NUP54: variants seen among roughly 807,000 people sequenced by gnomAD.
NUP54 encodes the protein nucleoporin 54.
A neutral mutation model predicts 66.4 loss-of-function variants in NUP54; 27 were observed. The observed-to-expected ratio is 0.41, with a 90% CI of 0.30 to 0.56. NUP54 has a LOEUF of 0.56. Ranked by LOEUF, NUP54 falls within the 20% of genes least tolerant of loss-of-function variation. The pLI is 0.34. For synonymous variants in NUP54, 206 were observed against 210.7 expected (o/e 0.98, Z 0.19); for missense variants, 486 against 596.3 (o/e 0.82, Z 1.93).
chr4:76,118,373 A>T (rs1730052269), intron 9 of NUP54, 179 bp from the exon 10 acceptor site: 2 of 592,344 alleles, frequency 3.4e-6, no homozygotes, highest in Non-Finnish European at 3.0e-6. Flanking sequence ...TATCATATAA[A>T]TACAATGATA....
intron 8 of NUP54, among the ~76,000 whole-genome samples, chr4:76,129,707 T>C (rs1402273532): frequency 6.6e-6 from 1 of 151,402 alleles, no homozygotes; most frequent in Non-Finnish European, 1.5e-5. Flanking sequence ...CTACTAAAAA[T>C]ACAAAAAATT....
chr4:76,129,191 A>T (rs371074258), intron 8 of NUP54, among the ~76,000 whole-genome samples: 4 of 152,090 alleles, frequency 2.6e-5, no homozygotes, highest in South Asian at 2.1e-4. Context: ...ATGCCCCATA[A>T]ATATGTAGTT....
chr4:76,115,753 A>G (rs112538455), intron 11 of NUP54, among the ~76,000 whole-genome samples: 14 of 152,352 alleles, frequency 9.2e-5, no homozygotes, highest in African/African-American at 3.4e-4. Context: ...TTAGATAGCT[A>G]TTCCTTTTAC....
Position 76,118,094 on chromosome 4 carries a change from T to C in NUP54, c.1265A>G (p.Asn422Ser), listed in dbSNP as rs1028717246. The change falls in exon 10 of 12, where the codon AAT (asparagine) becomes AGT (serine). Residue 422 changes from asparagine to serine, a missense_variant. Physicochemically the swap from Asn to Ser is conservative, Grantham distance 46. Around this residue, in one of 4 missense-constraint regions of NUP54, gnomAD observed 83 missense variants for 128.6 expected, o/e 0.65. Coordinates refer to ENST00000264883, the MANE Select transcript of NUP54 (RefSeq NM_017426.4). ...GGTTACCTTGAACTGAGTAGGTGCATTTAGTTCACCCTGAATCGTATCCAG... is the reference window on the plus strand; with the variant it reads ...GGTTACCTTGAACTGAGTAGGTGCACTTAGTTCACCCTGAATCGTATCCAG... Reference protein sequence around the residue: ...VQLDTIQGELNAPTQFKGRLN... With the variant: ...VQLDTIQGELSAPTQFKGRLN... 1.4e-5 allele frequency: 23 copies of C among 1,613,916 alleles called. No individual in the cohort carries two copies. Among genetic ancestry groups the C allele is most frequent in the Non-Finnish European group, 1.9e-5 (22 of 1,179,900 alleles).
rs748111867 is a variant in NUP54 at position 76,144,162 on chromosome 4, C to CTGT, written c.281_282insACA (p.Gln97dup). 6.2e-7 allele frequency: 1 copy of CTGT among 1,610,888 alleles called. No homozygotes were observed. The highest frequency in any genetic ancestry group is 1.7e-5 in the Admixed American group (1 of 59,656). On this transcript the variant is annotated inframe_insertion, in exon 3 of 12. Transcript: ENST00000264883. ...CCTCATACTTACTAGTTTGCTGCTG[C>CTGT]TGCTGTGTATTAAATCCTCCAAATC...
At chr4:76,141,164 C>CATGGAT (rs1731255211) in intron 3 of NUP54, among the ~76,000 whole-genome samples, 2 of 134,848 alleles carry the variant, frequency 1.5e-5, no homozygotes, top group Admixed American at 7.4e-5. Context: ...AATACATGGA[C>CATGGAT]GGGCATCTCT....
intron 3 of NUP54, among the ~76,000 whole-genome samples, chr4:76,141,517 C>T (rs1731267313): frequency 6.6e-6 from 1 of 152,122 alleles, no homozygotes; most frequent in Non-Finnish European, 1.5e-5. Context: ...CCCAGAAGCC[C>T]AAGATACCTT....
intron 9 of NUP54, 127 bp downstream of exon 9, chr4:76,124,522 G>T: frequency 7.3e-6 from 3 of 411,836 alleles, no homozygotes; most frequent in South Asian, 5.6e-5. Flanking sequence ...GAAAGAATTC[G>T]GTACTTGTAA....
intron 1 of NUP54, 195 bp downstream of exon 1, chr4:76,148,113 G>C (rs1047759116): frequency 4.6e-6 from 2 of 433,914 alleles, no homozygotes; most frequent in Non-Finnish European, 8.1e-6. Context: ...GCTTCTAGTG[G>C]GACCCCGAGT....
At chr4:76,133,586 C>T (rs758719480) in intron 5 of NUP54, among the ~76,000 whole-genome samples, 39 of 152,100 alleles carry the variant, frequency 2.6e-4, no homozygotes, top group Non-Finnish European at 4.7e-4. Context: ...GGATTACAGG[C>T]GTGAGCCACC....
chr4:76,146,262 C>T (rs1317740195), intron 1 of NUP54: 1 of 204,980 alleles, frequency 4.9e-6, no homozygotes, highest in East Asian at 1.5e-4. Context: ...TCCAAATGAA[C>T]ATGAAATCAA....
chr4:76,124,322 GAACTATTTTATGA>G (rs1345699052), intron 9 of NUP54, among the ~76,000 whole-genome samples: 12 of 152,004 alleles, frequency 7.9e-5, no homozygotes, highest in East Asian at 5.8e-4. Context: ...AAAATTTTCT[GAACTATTTTATGA>G]AACTATTTTA....
intron 9 of NUP54, among the ~76,000 whole-genome samples, chr4:76,120,443 T>C (rs78303416): frequency 0.15 from 17,018 of 115,548 alleles, 1,032 homozygotes; most frequent in East Asian, 0.42. Flanking sequence ...TTTTTTTTTT[T>C]TCCCCAGATG....
intron 1 of NUP54, among the ~76,000 whole-genome samples, chr4:76,146,637 AAG>A (rs1355742823): frequency 6.6e-6 from 1 of 152,216 alleles, no homozygotes; most frequent in Non-Finnish European, 1.5e-5. Context: ...GGCATAACGT[AAG>A]AGACTATGGA....
chr4:76,147,681 G>C, intron 1 of NUP54: 1 of 1,258,954 alleles, frequency 7.9e-7, no homozygotes, highest in Non-Finnish European at 1.0e-6. Context: ...TTTAAAAAGG[G>C]GGAGAGGGAA....
At chr4:76,142,203 C>T (rs537761241) in intron 3 of NUP54, among the ~76,000 whole-genome samples, 1 of 152,286 alleles carries the variant, frequency 6.6e-6, no homozygotes, top group Non-Finnish European at 1.5e-5. Context: ...AAACACTTCA[C>T]TTTTGCTGTT....
rs556298050 is a variant in NUP54 at position 76,129,884 on chromosome 4, AAAAACCTTAGC to A, written c.1056+761_1056+771del. On this transcript the variant is annotated intron_variant, in intron 8 of 11. Transcript: ENST00000264883. The stretch of plus-strand genomic sequence containing the variant: ...GTCTCAAAAAAAAAAAAAAAAAAAA[AAAAACCTTAGC>A]AAAGTTAAAAGAATTGAAATCATAG... Among the ~76,000 whole-genome samples, 509 of 116,686 alleles carry A rather than the reference AAAAACCTTAGC, an allele frequency of 4.4e-3. 12 individuals carry two copies. Among genetic ancestry groups the A allele is most frequent in the East Asian group, 0.014 (35 of 2,418 alleles). The allele number at this position is 116,686 out of a possible 152,430, so 76.6% of individuals were successfully genotyped here.
chr4:76,118,580 G>GGGGGA (rs1730069619), intron 9 of NUP54: 1 of 114,944 alleles, frequency 8.7e-6, no homozygotes, highest in Admixed American at 9.1e-5. Context: ...GGGTGGGGGG[G>GGGGGA]GGGGTCTCAC....
intron 9 of NUP54, among the ~76,000 whole-genome samples, chr4:76,122,238 T>C (rs1360817396): frequency 1.3e-5 from 2 of 152,242 alleles, no homozygotes; most frequent in Non-Finnish European, 2.9e-5. Flanking sequence ...TGGATTCTCT[T>C]TGCTTATACT....
Sources: allele counts gnomAD v4.1 joint callset (sites outside exome capture counted in the v4.1 genomes callset), GRCh38; gene constraint gnomAD v4.1.1; regional missense constraint gnomAD v4.1.1; transcripts MANE v1.5; gene names NCBI Gene and HGNC (gene_info 2026-07-23, HGNC 2026-07-21).